Variants in PXDNL observed in about 807,000 individuals in gnomAD.
The protein encoded by PXDNL is peroxidasin like.
Under a neutral mutation model 150.8 loss-of-function variants are expected in PXDNL, and 145 were observed. The observed-to-expected ratio is 0.96, with a 90% CI of 0.84 to 1.10. The LOEUF is 1.10. Ranked by LOEUF, PXDNL falls within the 50% of genes least tolerant of loss-of-function variation. The pLI is 0.00. For missense variants in PXDNL, 2,087 were observed against 1,873.9 expected (o/e 1.11, Z -2.10); for synonymous variants, 757 against 725.7 (o/e 1.04, Z -0.69).
intron 4 of PXDNL, among the ~76,000 whole-genome samples, chr8:51,517,149 T>C (rs1051881470): frequency 6.6e-6 from 1 of 152,178 alleles, no homozygotes; most frequent in South Asian, 2.1e-4. Context: ...ATAACTTTTT[T>C]AAAAAATCTA....
intron 19 of PXDNL, among the ~76,000 whole-genome samples, chr8:51,351,701 G>A (rs1304865405): frequency 6.6e-6 from 1 of 152,142 alleles, no homozygotes; most frequent in African/African-American, 2.4e-5. Context: ...GTCTCATGAG[G>A]CTCCAATCTG....
At chr8:51,471,679 AT>A (rs530501838) in intron 8 of PXDNL, among the ~76,000 whole-genome samples, 73 of 146,326 alleles carry the variant, frequency 5.0e-4, no homozygotes, top group Admixed American at 8.9e-4. Flanking sequence ...GAAATGCATA[AT>A]TTTTTTTTTT....
At chr8:51,678,867 TA>T (rs954981039) in intron 1 of PXDNL, among the ~76,000 whole-genome samples, 55 of 151,706 alleles carry the variant, frequency 3.6e-4, no homozygotes, top group South Asian at 1.2e-3. Context: ...TAAAGTATAA[TA>T]AAAAAAAATT....
intron 3 of PXDNL, among the ~76,000 whole-genome samples, chr8:51,563,884 A>G (rs1361557708): frequency 6.6e-6 from 1 of 151,998 alleles, no homozygotes; most frequent in Non-Finnish European, 1.5e-5. Flanking sequence ...ATCTATAAAA[A>G]TTCCATGCAG....
intron 8 of PXDNL, among the ~76,000 whole-genome samples, chr8:51,471,018 C>CAA (rs11375028): frequency 6.6e-4 from 90 of 136,440 alleles, no homozygotes; most frequent in South Asian, 1.4e-3. Flanking sequence ...TTCTGCACAG[C>CAA]AAAAAAAAAA....
At chr8:51,752,404 T>C (rs1044584808) in intron 1 of PXDNL, among the ~76,000 whole-genome samples, 6 of 152,188 alleles carry the variant, frequency 3.9e-5, no homozygotes, top group African/African-American at 1.2e-4. Context: ...GAAAGGCCTA[T>C]GCAAGACTCT....
chr8:51,407,641 C>T (rs1297198567), intron 17 of PXDNL, among the ~76,000 whole-genome samples: 1 of 152,132 alleles, frequency 6.6e-6, no homozygotes, highest in Non-Finnish European at 1.5e-5. Flanking sequence ...TTTAGAACTA[C>T]CACAAAAAAT....
chr8:51,704,501 A>T (rs528773136), intron 1 of PXDNL, among the ~76,000 whole-genome samples: 6 of 152,290 alleles, frequency 3.9e-5, no homozygotes, highest in African/African-American at 1.4e-4. Context: ...TGTACCTGGA[A>T]ATTAAATTAC....
At chr8:51,745,000 G>GAAAAGGAA (rs1554511864) in intron 1 of PXDNL, among the ~76,000 whole-genome samples, 17 of 14,672 alleles carry the variant, frequency 1.2e-3, no homozygotes, top group African/African-American at 4.4e-3. Flanking sequence ...AAGGGAGGGA[G>GAAAAGGAA]GGAAGAAAAG....
At chr8:51,501,640 A>G (rs762669722) in intron 4 of PXDNL, among the ~76,000 whole-genome samples, 23 of 152,056 alleles carry the variant, frequency 1.5e-4, no homozygotes. Context: ...ACACTGTCTC[A>G]TGTACACTAA....
chr8:51,529,544 G>A (rs776035098), intron 4 of PXDNL, among the ~76,000 whole-genome samples: 1 of 152,172 alleles, frequency 6.6e-6, no homozygotes, highest in Non-Finnish European at 1.5e-5. Flanking sequence ...ATCTCCAGAT[G>A]TCTGGGTGAA....
At chr8:51,389,461 A>C (rs1373842546) in intron 17 of PXDNL, among the ~76,000 whole-genome samples, 1 of 152,156 alleles carries the variant, frequency 6.6e-6, no homozygotes, top group Non-Finnish European at 1.5e-5. Context: ...AGTTCCCTTC[A>C]TCCTTGCAGA....
intron 20 of PXDNL, among the ~76,000 whole-genome samples, chr8:51,343,550 A>G (rs554429504): frequency 2.0e-5 from 3 of 152,338 alleles, no homozygotes; most frequent in South Asian, 2.1e-4. Context: ...CTGGGCTTCA[A>G]TGGGCCACCC....
intron 8 of PXDNL, among the ~76,000 whole-genome samples, chr8:51,463,341 A>AT (rs1374512154): frequency 1.3e-5 from 2 of 152,202 alleles, no homozygotes; most frequent in Admixed American, 6.5e-5. Flanking sequence ...GGCAAGTTGG[A>AT]TTTTTAAAAA....
intron 17 of PXDNL, among the ~76,000 whole-genome samples, chr8:51,375,381 CA>C (rs1170810692): frequency 6.6e-6 from 1 of 152,202 alleles, no homozygotes; most frequent in African/African-American, 2.4e-5. Context: ...TTGACACTCC[CA>C]GTAGGAGCCA....
intron 4 of PXDNL, among the ~76,000 whole-genome samples, chr8:51,542,292 C>A (rs1415079909): frequency 3.9e-5 from 6 of 152,080 alleles, no homozygotes; most frequent in African/African-American, 1.4e-4. Context: ...TGGGCCAAAG[C>A]AATCCTACTT....
At chr8:51,748,947 C>T (rs188606973) in intron 1 of PXDNL, among the ~76,000 whole-genome samples, 2 of 152,254 alleles carry the variant, frequency 1.3e-5, no homozygotes, top group Non-Finnish European at 2.9e-5. Flanking sequence ...TTTAAAACTA[C>T]CTATTGTCTC....
intron 2 of PXDNL, among the ~76,000 whole-genome samples, chr8:51,605,651 A>G (rs1813823832): frequency 6.6e-6 from 1 of 152,220 alleles, no homozygotes; most frequent in African/African-American, 2.4e-5. Context: ...AAGAAAAATT[A>G]TAGTTAGATG....
At chr8:51,546,805 G>T (rs1242073448) in intron 4 of PXDNL, among the ~76,000 whole-genome samples, 1 of 152,168 alleles carries the variant, frequency 6.6e-6, no homozygotes, top group African/African-American at 2.4e-5. Flanking sequence ...AGTGCAGATG[G>T]GCGGGGCACA....
Sources: gnomAD v4.1 joint callset for allele counts (sites outside exome capture counted in the v4.1 genomes callset) on GRCh38, gnomAD v4.1.1 for gene constraint, MANE v1.5 for transcripts, NCBI Gene and HGNC (gene_info 2026-07-23, HGNC 2026-07-21) for gene names.